NELL1: variants seen among roughly 807,000 people sequenced by gnomAD.
NELL1 encodes protein kinase C-binding protein NELL1.
Under a neutral mutation model 107.4 loss-of-function variants are expected in NELL1, and 76 were observed. The ratio of observed to expected loss-of-function variants is 0.71; its 90% CI spans 0.59 to 0.86. The LOEUF (loss-of-function observed/expected upper bound fraction) is 0.86, where lower values mean the gene tolerates loss of function less well. NELL1 is among the 40% of genes least tolerant of loss of function. The pLI is 0.00. For missense variants in NELL1, 1,024 were observed against 1,005.5 expected (o/e 1.02, Z -0.25); for synonymous variants, 353 against 341.2 (o/e 1.03, Z -0.38).
intron 5 of NELL1, among the ~76,000 whole-genome samples, chr11:20,916,620 A>G (rs1304562898): frequency 6.6e-6 from 1 of 151,902 alleles, no homozygotes; most frequent in Non-Finnish European, 1.5e-5. Context: ...CCAATTCTGC[A>G]TCGCCTGGGG....
intron 14 of NELL1, among the ~76,000 whole-genome samples, chr11:21,237,937 G>A (rs1858251935): frequency 6.6e-6 from 1 of 151,860 alleles, no homozygotes; most frequent in South Asian, 2.1e-4. Flanking sequence ...CCATCTATAT[G>A]CTAATGACTA....
chr11:21,185,293 C>CTT lies in NELL1; in HGVS notation c.1427-44021_1427-44020dup, dbSNP rs11446941. On this transcript the variant is annotated intron_variant, in intron 13 of 19. Transcript: ENST00000357134. ...ACATACTTGTATTTAATTCCAGTAT[C>CTT]TTTTTTTTTTTTTTTTTTTGAGGTG... Among the ~76,000 whole-genome samples, 1,039 of 118,378 alleles carry CTT rather than the reference C, an allele frequency of 8.8e-3. 32 individuals are homozygous for CTT. Among genetic ancestry groups the CTT allele is most frequent in the East Asian group, 0.037 (150 of 4,004 alleles). The allele number at this position is 118,378 out of a possible 152,430, so 77.7% of individuals were successfully genotyped here. A position where few individuals can be genotyped will look rare whatever the true frequency, so the allele number is the denominator to read the frequency against.
chr11:21,516,007 C>T (rs557862912), intron 15 of NELL1, among the ~76,000 whole-genome samples: 1 of 152,202 alleles, frequency 6.6e-6, no homozygotes, highest in Non-Finnish European at 1.5e-5. Flanking sequence ...CTTCCTCCCA[C>T]AGCAGACTGT....
At chr11:20,923,782 A>G (rs1179350078) in intron 7 of NELL1, among the ~76,000 whole-genome samples, 7 of 152,172 alleles carry the variant, frequency 4.6e-5, no homozygotes, top group Non-Finnish European at 8.8e-5. Flanking sequence ...TTTAATTTTG[A>G]GACTTTCATT....
intron 12 of NELL1, among the ~76,000 whole-genome samples, chr11:21,112,986 A>C (rs1855142723): frequency 6.6e-6 from 1 of 152,002 alleles, no homozygotes; most frequent in Admixed American, 6.6e-5. Flanking sequence ...CCATCCCAAA[A>C]AGAACAAGAC....
chr11:21,034,903 G>A (rs1392485853), intron 12 of NELL1, among the ~76,000 whole-genome samples: 1 of 152,098 alleles, frequency 6.6e-6, no homozygotes, highest in East Asian at 1.9e-4. Context: ...GAGCTGAACT[G>A]AAGGAGATTG....
intron 14 of NELL1, among the ~76,000 whole-genome samples, chr11:21,337,831 T>TC (rs1565175568): frequency 9.3e-5 from 6 of 64,754 alleles, no homozygotes; most frequent in African/African-American, 3.3e-4. Flanking sequence ...TTTCTTTCTT[T>TC]CTTTCTTTTC....
At chr11:21,281,698 G>A (rs1470489033) in intron 14 of NELL1, among the ~76,000 whole-genome samples, 2 of 152,164 alleles carry the variant, frequency 1.3e-5, no homozygotes, top group Non-Finnish European at 2.9e-5. Context: ...TCCAGAGAGA[G>A]AGAGAGACTC....
At chr11:21,535,057 A>G (rs1856100622) in intron 16 of NELL1, among the ~76,000 whole-genome samples, 1 of 152,194 alleles carries the variant, frequency 6.6e-6, no homozygotes, top group Admixed American at 6.6e-5. Flanking sequence ...TGATGCACAT[A>G]TATGATATAG....
At chr11:21,059,161 A>G (rs1853677307) in intron 12 of NELL1, among the ~76,000 whole-genome samples, 1 of 151,766 alleles carries the variant, frequency 6.6e-6, no homozygotes, top group Admixed American at 6.6e-5. Flanking sequence ...AGGTTTACAT[A>G]TGTTTCACCT....
chr11:20,671,773 G>GGGT (rs34496965), intron 1 of NELL1, among the ~76,000 whole-genome samples: 8,724 of 111,170 alleles, frequency 0.078, 357 homozygotes, highest in South Asian at 0.13. Context: ...ACAGATTGAT[G>GGGT]GGGGGGGTGG....
At position 21,124,864 on chromosome 11, in the gene NELL1, G is replaced by T. The variant is rs556626835; in HGVS notation, c.1426+11150G>T. ...GATCTGCCTGCCTCAGCCTCCCAAA[G>T]TGCTGGGATTACAGGGGTGAGCCAC... On this transcript the variant is annotated intron_variant, in intron 13 of 19. Coordinates refer to ENST00000357134, the MANE Select transcript of NELL1 (RefSeq NM_006157.5). Among the ~76,000 whole-genome samples, 4 of 152,220 alleles carry T rather than the reference G, an allele frequency of 2.6e-5. No homozygotes were observed. In the East Asian group the frequency reaches 5.8e-4, roughly 22 times the overall value.
intron 12 of NELL1, among the ~76,000 whole-genome samples, chr11:21,073,934 A>G (rs1329579066): frequency 2.0e-5 from 3 of 152,190 alleles, no homozygotes; most frequent in Admixed American, 1.3e-4. Flanking sequence ...CAACAACAAC[A>G]AAAAAGATTT....
At chr11:20,744,561 A>G (rs993082807) in intron 2 of NELL1, among the ~76,000 whole-genome samples, 2 of 152,178 alleles carry the variant, frequency 1.3e-5, no homozygotes, top group Admixed American at 6.5e-5. Flanking sequence ...GGCTCTTTAT[A>G]GTAGTTTAAG....
At chr11:20,799,832 A>G (rs1412369974) in intron 3 of NELL1, among the ~76,000 whole-genome samples, 3 of 152,198 alleles carry the variant, frequency 2.0e-5, no homozygotes, top group Non-Finnish European at 4.4e-5. Context: ...TCCAATAGGT[A>G]GTTTTTTTAG....
intron 14 of NELL1, among the ~76,000 whole-genome samples, chr11:21,232,026 C>A (rs146032807): frequency 6.6e-6 from 1 of 151,108 alleles, no homozygotes; most frequent in Non-Finnish European, 1.5e-5. Flanking sequence ...TAAGGCCAGG[C>A]GCAGTGGATC....
chr11:21,033,858 C>T (rs1565025301), intron 12 of NELL1, among the ~76,000 whole-genome samples: 1 of 152,014 alleles, frequency 6.6e-6, no homozygotes, highest in African/African-American at 2.4e-5. Context: ...TTCTACTAAC[C>T]CTGTATAAGC....
intron 15 of NELL1, among the ~76,000 whole-genome samples, chr11:21,376,660 T>C (rs1851488420): frequency 6.6e-6 from 1 of 152,166 alleles, no homozygotes; most frequent in Non-Finnish European, 1.5e-5. Flanking sequence ...ATTTTAATGA[T>C]ATTGATTCTT....
At chr11:20,921,023 C>T (rs371074069) in intron 7 of NELL1, among the ~76,000 whole-genome samples, 11 of 152,176 alleles carry the variant, frequency 7.2e-5, no homozygotes, top group African/African-American at 2.4e-4. Context: ...AATCTATGAT[C>T]ATCTAGAATA....
Sources: gnomAD v4.1 joint callset for allele counts (sites outside exome capture counted in the v4.1 genomes callset) on GRCh38, gnomAD v4.1.1 for gene constraint, MANE v1.5 for transcripts, NCBI Gene and HGNC (gene_info 2026-07-23, HGNC 2026-07-21) for gene names.